PREX2: variants seen among roughly 807,000 people sequenced by gnomAD.
PREX2 encodes phosphatidylinositol-3,4,5-trisphosphate dependent Rac exchange factor 2, also known as phosphatidylinositol 3,4,5-trisphosphate-dependent Rac exchanger 2 protein.
Under a neutral mutation model 203.2 loss-of-function variants are expected in PREX2, and 107 were observed. That is an observed-to-expected ratio of 0.53 (90% CI 0.45 to 0.62). The LOEUF (loss-of-function observed/expected upper bound fraction) is 0.62. Among genes scored for constraint, PREX2 ranks in the 20% least tolerant of loss-of-function variants. The pLI, the probability that PREX2 is intolerant of heterozygous loss-of-function variation, is 0.00. For synonymous variants in PREX2, 672 were observed against 663.6 expected (o/e 1.01, Z -0.19); for missense variants, 1,777 against 1,955.9 (o/e 0.91, Z 1.72).
intron 5 of PREX2, 21 bp downstream of exon 5, chr8:68,027,344 T>C: frequency 7.3e-7 from 1 of 1,376,672 alleles, no homozygotes; most frequent in Non-Finnish European, 1.0e-6. Flanking sequence ...TGCTACCTCA[T>C]TGTAGCCATT....
chr8:68,231,700 A>C lies in PREX2; in HGVS notation c.*322A>C. On this transcript the variant is annotated 3_prime_UTR_variant, in exon 40 of 40. Coordinates refer to ENST00000288368, the MANE Select transcript of PREX2 (RefSeq NM_024870.4). ...ATTAGAGATTTAAAAATTAACCACC[A>C]TGCCTCCTCTCCCATTCATTAAAAT... is the stretch of plus-strand genomic sequence containing the variant. The C allele has an allele frequency of 8.5e-6, 2 of 236,296 alleles. No homozygotes were observed. The highest frequency in any genetic ancestry group is 1.8e-4 in the South Asian group (1 of 5,612). 14.6% of individuals were successfully genotyped at this position (236,296 alleles called of 1,614,324 possible). A position where few individuals can be genotyped will look rare whatever the true frequency, so the allele number is the denominator to read the frequency against.
In PREX2 at chr8:68,192,393, G is replaced by T. The variant is rs1338552430; in HGVS notation, c.4472G>T (p.Arg1491Ile). ...TACCGACTGGTAGCCTCGTTTATCA[G>T]ATCCAAGCGCACAGCTGCCTGTGCA... ...ELYRLVASFI[R>I]SKRTAACANT... Residue 1491 changes from arginine (R) to isoleucine (I), a missense_variant, in exon 37 of 40, where the codon AGA (arginine) becomes ATA (isoleucine). Coordinates refer to ENST00000288368, the MANE Select transcript of PREX2 (RefSeq NM_024870.4). The T allele has an allele frequency of 1.9e-6, 3 of 1,613,704 alleles. No homozygotes were observed. The highest frequency in any genetic ancestry group is 2.5e-6 in the Non-Finnish European group (3 of 1,179,834).
Position 68,190,381 on chromosome 8 carries a change from GCTC to G in PREX2, c.4347-1340_4347-1338del, listed in dbSNP as rs898083130. 2.4e-4 allele frequency among the ~76,000 whole-genome samples: 36 copies of G among 152,034 alleles called. 1 individual carries two copies. The highest frequency in any genetic ancestry group is 8.5e-4 in the African/African-American group (35 of 41,396). Reference sequence around the variant, plus strand: ...GCCATTGAACTGTATGCTTGAGAATGCTCAAAACGGCATAATATGCAGCTGTAA... The same window carrying G: ...GCCATTGAACTGTATGCTTGAGAATGAAAACGGCATAATATGCAGCTGTAA... On this transcript the variant is annotated intron_variant, in intron 35 of 39. Coordinates refer to ENST00000288368, the MANE Select transcript of PREX2 (RefSeq NM_024870.4).
At chr8:68,153,170 C>T (rs1811475933) in intron 34 of PREX2, among the ~76,000 whole-genome samples, 1 of 152,192 alleles carries the variant, frequency 6.6e-6, no homozygotes, top group African/African-American at 2.4e-5. Flanking sequence ...GGAATTATGA[C>T]CCATGGTGAC....
intron 23 of PREX2, chr8:68,105,638 A>G: frequency 1.0e-6 from 1 of 955,944 alleles, no homozygotes; most frequent in Non-Finnish European, 1.2e-6. Flanking sequence ...ACAGTCATGC[A>G]CTGCATAACA....
chr8:68,146,399 C>A, intron 34 of PREX2, 47 bp downstream of exon 34: 1 of 1,434,100 alleles, frequency 7.0e-7, no homozygotes, highest in Non-Finnish European at 9.5e-7. Flanking sequence ...ATTATTTTAT[C>A]TTTATTAATG....
chr8:68,127,304 G>T, intron 30 of PREX2, 74 bp from the exon 31 acceptor site: 1 of 1,164,188 alleles, frequency 8.6e-7, no homozygotes, highest in South Asian at 1.4e-5. Context: ...TACTAATTTT[G>T]ACTACACAGT....
chr8:68,008,564 T>G (rs1400855967), intron 1 of PREX2, among the ~76,000 whole-genome samples: 1 of 150,956 alleles, frequency 6.6e-6, no homozygotes, highest in African/African-American at 2.5e-5. Flanking sequence ...GTAAAGTAAG[T>G]GCCTACGTTT....
At chr8:68,138,768 C>G (rs1183220021) in intron 33 of PREX2, among the ~76,000 whole-genome samples, 1 of 152,114 alleles carries the variant, frequency 6.6e-6, no homozygotes, top group Non-Finnish European at 1.5e-5. Flanking sequence ...TCTACTATTT[C>G]CACATTCCCA....
chr8:68,100,943 CAA>C (rs1810247629), intron 23 of PREX2, among the ~76,000 whole-genome samples: 1 of 151,712 alleles, frequency 6.6e-6, no homozygotes, highest in African/African-American at 2.4e-5. Flanking sequence ...ATGAAGGAGA[CAA>C]AAAACATTAG....
intron 10 of PREX2, among the ~76,000 whole-genome samples, chr8:68,057,955 A>G (rs1808729195): frequency 6.6e-6 from 1 of 152,208 alleles, no homozygotes; most frequent in Non-Finnish European, 1.5e-5. Context: ...GAATAGTGCA[A>G]GTTCATTGTG....
chr8:68,155,709 T>A (rs1467242344), intron 34 of PREX2, among the ~76,000 whole-genome samples: 1 of 152,216 alleles, frequency 6.6e-6, no homozygotes, highest in African/African-American at 2.4e-5. Flanking sequence ...CCAACTTGGA[T>A]CCATAGCCAT....
chr8:68,025,070 A>G (rs555664489), intron 4 of PREX2, among the ~76,000 whole-genome samples: 2 of 152,138 alleles, frequency 1.3e-5, no homozygotes, highest in African/African-American at 4.8e-5. Context: ...ATAGTTATGT[A>G]CACATTTACC....
At chr8:68,030,823 T>C (rs1240328879) in intron 6 of PREX2, among the ~76,000 whole-genome samples, 165 bp downstream of exon 6, 1 of 152,206 alleles carries the variant, frequency 6.6e-6, no homozygotes, top group African/African-American at 2.4e-5. Context: ...TATTTTAAAG[T>C]ATCTTTAAGG....
At chr8:68,158,355 C>T (rs1811587878) in intron 35 of PREX2, among the ~76,000 whole-genome samples, 2 of 151,776 alleles carry the variant, frequency 1.3e-5, no homozygotes, top group African/African-American at 2.4e-5. Context: ...AAAGGAAGAA[C>T]CTGAGACAAA....
chr8:68,086,683 A>G (rs1180791537), intron 18 of PREX2, among the ~76,000 whole-genome samples: 1 of 151,904 alleles, frequency 6.6e-6, no homozygotes, highest in African/African-American at 2.4e-5. Flanking sequence ...ATGAGTGCCA[A>G]ATTGGACACC....
chr8:68,044,818 A>T (rs1046904625), intron 8 of PREX2, among the ~76,000 whole-genome samples: 3 of 152,110 alleles, frequency 2.0e-5, no homozygotes, highest in Non-Finnish European at 4.4e-5. Context: ...TGAAACACAG[A>T]TACAGAGAAA....
At chr8:67,954,790 A>C (rs964186356) in intron 1 of PREX2, among the ~76,000 whole-genome samples, 2 of 152,216 alleles carry the variant, frequency 1.3e-5, no homozygotes, top group African/African-American at 4.8e-5. Context: ...GAAGAGGTAG[A>C]AAACATATTT....
chr8:68,159,897 G>C lies in PREX2; in HGVS notation c.4346+2461G>C, dbSNP rs1585835911. Among the ~76,000 whole-genome samples, 3 of 152,046 alleles carry C rather than the reference G, an allele frequency of 2.0e-5. No homozygotes were observed. In the South Asian group the frequency reaches 6.2e-4, roughly 31 times the overall value. ...AAATGTGATACAGAGAAAGTCAATT[G>C]TTTTGGCTTTACTCACAAAAGTATA... On this transcript the variant is annotated intron_variant, in intron 35 of 39. Coordinates refer to ENST00000288368, the MANE Select transcript of PREX2 (RefSeq NM_024870.4).
Sources: gnomAD v4.1 joint callset for allele counts (sites outside exome capture counted in the v4.1 genomes callset) on GRCh38, gnomAD v4.1.1 for gene constraint, MANE v1.5 for transcripts, NCBI Gene and HGNC (gene_info 2026-07-23, HGNC 2026-07-21) for gene names.